ZDHHC7: variants seen among roughly 807,000 people sequenced by gnomAD.
ZDHHC7 encodes zDHHC palmitoyltransferase 7.
A neutral mutation model predicts 34.1 loss-of-function variants in ZDHHC7; 12 were observed. That is an observed-to-expected ratio of 0.35 (90% CI 0.23 to 0.57). ZDHHC7 has a LOEUF of 0.57. Ranked by LOEUF, ZDHHC7 falls within the 20% of genes least tolerant of loss-of-function variation. The pLI is 0.84. For synonymous variants in ZDHHC7, 185 were observed against 155.4 expected (o/e 1.19, Z -1.42); for missense variants, 388 against 402.7 (o/e 0.96, Z 0.31).
the ZDHHC7 span, among the ~76,000 whole-genome samples, chr16:85,022,183 G>A: frequency 6.6e-6 from 1 of 150,682 alleles, no homozygotes; most frequent in East Asian, 1.9e-4. Context: ...GGCAAAGACA[G>A]ATACAGGGAA....
At chr16:84,993,803 T>G (rs1029543827) in intron 2 of ZDHHC7, among the ~76,000 whole-genome samples, 7 of 152,234 alleles carry the variant, frequency 4.6e-5, no homozygotes, top group Non-Finnish European at 1.0e-4. Context: ...CAACATCCCC[T>G]GCAAACACCT....
At chr16:85,005,704 G>C (rs1232256553) in intron 1 of ZDHHC7, among the ~76,000 whole-genome samples, 2 of 152,174 alleles carry the variant, frequency 1.3e-5, no homozygotes, top group South Asian at 4.1e-4. Flanking sequence ...TCTAAAAGCT[G>C]GTCTCCAATG....
At chr16:85,011,139 C>A (rs1406703308) in intron 1 of ZDHHC7, 147 bp downstream of exon 1, 1 of 152,332 alleles carries the variant, frequency 6.6e-6, no homozygotes, top group Non-Finnish European at 1.5e-5. Context: ...CACGGAGGTG[C>A]CCCTAGGAAC....
At chr16:85,013,082 CTCT>C (rs772887200), upstream of ZDHHC7, among the ~76,000 whole-genome samples, 1 of 152,104 alleles carries the variant, frequency 6.6e-6, no homozygotes. Flanking sequence ...ACATTCTAGA[CTCT>C]TCTTAGCCCA....
At chr16:84,982,868 G>A (rs1324377454) in intron 3 of ZDHHC7, among the ~76,000 whole-genome samples, 1 of 152,242 alleles carries the variant, frequency 6.6e-6, no homozygotes, top group African/African-American at 2.4e-5. Context: ...GTGAGCTGCT[G>A]GTAAGGGGCA....
At chr16:85,003,300 T>C (rs1424664131) in intron 1 of ZDHHC7, among the ~76,000 whole-genome samples, 1 of 152,006 alleles carries the variant, frequency 6.6e-6, no homozygotes, top group East Asian at 1.9e-4. Context: ...CTATGGGCCG[T>C]GCAAACGGGG....
chr16:84,980,619 G>A (rs578056226), intron 4 of ZDHHC7, among the ~76,000 whole-genome samples: 4 of 152,188 alleles, frequency 2.6e-5, no homozygotes, highest in East Asian at 2.0e-4. Context: ...GCAGTGAGCC[G>A]AGATTATGCC....
At chr16:85,002,034 A>T (rs1048477325) in intron 1 of ZDHHC7, among the ~76,000 whole-genome samples, 10 of 152,146 alleles carry the variant, frequency 6.6e-5, no homozygotes, top group African/African-American at 2.4e-4. Context: ...CATGAAAGGG[A>T]TATAGGAACC....
At chr16:85,002,233 A>G (rs999794928) in intron 1 of ZDHHC7, among the ~76,000 whole-genome samples, 4 of 152,186 alleles carry the variant, frequency 2.6e-5, no homozygotes, top group Admixed American at 6.5e-5. Context: ...CTCCTCCAGC[A>G]GGGAGGACGC....
intron 4 of ZDHHC7, 128 bp downstream of exon 4, chr16:84,981,742 C>G: frequency 6.5e-7 from 1 of 1,542,372 alleles, no homozygotes; most frequent in South Asian, 1.2e-5. Flanking sequence ...TACGGCCCCG[C>G]CCGTACAACG....
At chr16:84,977,541 G>A (rs1025701790) in intron 6 of ZDHHC7, among the ~76,000 whole-genome samples, 2 of 152,344 alleles carry the variant, frequency 1.3e-5, no homozygotes, top group South Asian at 4.1e-4. Flanking sequence ...CCATACCAGT[G>A]AGCAGTGCTC....
intron 1 of ZDHHC7, among the ~76,000 whole-genome samples, chr16:85,000,251 G>C (rs982876938): frequency 3.3e-5 from 5 of 152,222 alleles, no homozygotes; most frequent in African/African-American, 4.8e-5. Context: ...CGGTGTGATA[G>C]TGCAAGGGTG....
intron 3 of ZDHHC7, among the ~76,000 whole-genome samples, chr16:84,986,246 T>C (rs776360424): frequency 1.6e-4 from 24 of 152,136 alleles, no homozygotes; most frequent in Non-Finnish European, 2.6e-4. Context: ...GAATTTCCCA[T>C]AAGAAGTGAA....
intron 1 of ZDHHC7, among the ~76,000 whole-genome samples, chr16:85,003,905 G>C (rs933398249): frequency 2.0e-5 from 3 of 152,120 alleles, no homozygotes; most frequent in Admixed American, 6.6e-5. Flanking sequence ...CCCGGTCTCT[G>C]ACTGGATACT....
At chr16:84,979,910 G>GC (rs1413431061) in intron 4 of ZDHHC7, among the ~76,000 whole-genome samples, 1 of 150,460 alleles carries the variant, frequency 6.6e-6, no homozygotes, top group African/African-American at 2.4e-5. Flanking sequence ...ATCGATGGCA[G>GC]CAGGTTCGCT....
chr16:85,014,626 C>T (rs2072826825), upstream of ZDHHC7, among the ~76,000 whole-genome samples: 1 of 152,178 alleles, frequency 6.6e-6, no homozygotes, highest in African/African-American at 2.4e-5. Flanking sequence ...AAACATGCTA[C>T]ATGATCCAGT....
intron 3 of ZDHHC7, among the ~76,000 whole-genome samples, chr16:84,989,565 C>T (rs2143634317): frequency 6.6e-6 from 1 of 152,002 alleles, no homozygotes; most frequent in South Asian, 2.1e-4. Context: ...CATGGTGGTG[C>T]ATGCCTGTAA....
intron 3 of ZDHHC7, among the ~76,000 whole-genome samples, chr16:84,982,846 G>C (rs2072388399): frequency 6.6e-6 from 1 of 152,272 alleles, no homozygotes; most frequent in Non-Finnish European, 1.5e-5. Flanking sequence ...GGAAAGAGGA[G>C]TTGGGGAGGC....
Position 84,976,385 on chromosome 16 carries a change from C to T in ZDHHC7, c.885G>A (p.Leu295=), listed in dbSNP as rs1391940473. Residue 295 remains leucine (L), a synonymous_variant, in exon 8 of 8, where the codon CTG becomes CTA. Coordinates refer to ENST00000313732, the MANE Select transcript of ZDHHC7 (RefSeq NM_017740.3). ...NPFVGFRFRR[L]PTRPRKGGPE... is the part of the protein sequence containing the mutation. Reference sequence around the variant, plus strand: ...GGCCACCTTTTCTGGGTCTCGTGGGCAGTCGCCTAAATCGGAAGCCCACAA... The same window carrying T: ...GGCCACCTTTTCTGGGTCTCGTGGGTAGTCGCCTAAATCGGAAGCCCACAA... 1 of 1,614,104 alleles carries T rather than the reference C, an allele frequency of 6.2e-7. No homozygotes were observed. Among genetic ancestry groups the T allele is most frequent in the East Asian group, 2.2e-5 (1 of 44,872 alleles).
Sources: gnomAD v4.1 joint callset for allele counts (sites outside exome capture counted in the v4.1 genomes callset) on GRCh38, gnomAD v4.1.1 for gene constraint, MANE v1.5 for transcripts, NCBI Gene and HGNC (gene_info 2026-07-23, HGNC 2026-07-21) for gene names.